The following GOLGA7B variants were observed in gnomAD, a reference collection of about 807,000 sequenced individuals.
GOLGA7B encodes golgin subfamily A member 7B.
In GOLGA7B, 17 loss-of-function variants were observed where a neutral mutation model predicts 21.5. The observed-to-expected ratio is 0.79, with a 90% confidence interval of 0.54 to 1.19. The LOEUF is 1.19. Ranked by LOEUF, GOLGA7B falls within the 50% of genes most tolerant of loss-of-function variation. GOLGA7B has a pLI of 0.00. For missense variants in GOLGA7B, 169 were observed against 224.4 expected, an observed-to-expected ratio of 0.75 and a Z score of 1.58; for synonymous variants, 87 against 84.0, an observed-to-expected ratio of 1.04 and a Z score of -0.19.
intron 4 of GOLGA7B, chr10:97,865,338 C>T (rs1183966561): frequency 1.6e-5 from 8 of 505,102 alleles, no homozygotes; most frequent in African/African-American, 3.8e-5. Context: ...ATCAGGGCAG[C>T]GACCCTGTCT....
chr10:97,866,540 C>T lies in GOLGA7B; in HGVS notation c.*840C>T, dbSNP rs1365941001. On this transcript the variant is annotated 3_prime_UTR_variant, in exon 5 of 5. Transcript: ENST00000370602. ...GCACATGTGAATGTATGTGTGAGTGCACATGTGTGTAAGTGCAGTGTGCGT... is the reference window on the plus strand; with the variant it reads ...GCACATGTGAATGTATGTGTGAGTGTACATGTGTGTAAGTGCAGTGTGCGT... 2 of 152,220 alleles carry T rather than the reference C, an allele frequency of 1.3e-5. No individual in the cohort carries two copies. The highest frequency in any genetic ancestry group is 1.3e-4 in the Admixed American group (2 of 15,280). The allele number at this position is 152,220 out of a possible 1,614,324, so 9.4% of individuals were successfully genotyped here. A position where few individuals can be genotyped will look rare whatever the true frequency, so the allele number is the denominator to read the frequency against.
At chr10:97,857,025 T>C (rs1037089923) in intron 1 of GOLGA7B, among the ~76,000 whole-genome samples, 1 of 152,182 alleles carries the variant, frequency 6.6e-6, no homozygotes, top group African/African-American at 2.4e-5. Flanking sequence ...TTTCTGTAGG[T>C]TGTCTGTATA....
At chr10:97,865,374 C>CA in intron 4 of GOLGA7B, 1 of 746,216 alleles carries the variant, frequency 1.3e-6, no homozygotes. Flanking sequence ...ATGTGCCCAG[C>CA]ACAGGGCCTG....
Position 97,865,916 on chromosome 10 carries a change from C to T in GOLGA7B, c.*216C>T. The T allele has an allele frequency of 1.4e-6, 1 of 735,294 alleles. No homozygotes were observed. The highest frequency in any genetic ancestry group is 2.0e-6 in the Non-Finnish European group (1 of 489,946). 45.5% of individuals were successfully genotyped at this position (735,294 alleles called of 1,614,324 possible). A position where few individuals can be genotyped will look rare whatever the true frequency, so the allele number is the denominator to read the frequency against. Reference sequence around the variant, plus strand: ...CGTCTGGATCAGTCCATTTCCTGACCTGGGGGCTTTTCCTTCCCGATGGGG... The same window carrying T: ...CGTCTGGATCAGTCCATTTCCTGACTTGGGGGCTTTTCCTTCCCGATGGGG... On this transcript the variant is annotated 3_prime_UTR_variant, in exon 5 of 5. Transcript: ENST00000370602.
chr10:97,853,414 G>T (rs1414131799), intron 1 of GOLGA7B, among the ~76,000 whole-genome samples: 1 of 152,170 alleles, frequency 6.6e-6, no homozygotes, highest in Admixed American at 6.5e-5. Context: ...GCACTCTAGA[G>T]CTTGTTCCTC....
rs11189413 is a variant in GOLGA7B, at chr10:97,866,061, G to A, written c.*361G>A. The stretch of plus-strand genomic sequence containing the variant: ...AACCCTGCGAGGGGGGCCGAGGCCT[G>A]CCACATAGAGGACTCCCACACTGCA... On this transcript the variant is annotated 3_prime_UTR_variant, in exon 5 of 5. Transcript: ENST00000370602. The A allele has an allele frequency of 0.56, 149,994 of 267,040 alleles. 43,295 individuals carry two copies. Among genetic ancestry groups the A allele is most frequent in the East Asian group, 0.84 (11,620 of 13,882 alleles). 16.5% of individuals were successfully genotyped at this position (267,040 alleles called of 1,614,324 possible). A position where few individuals can be genotyped will look rare whatever the true frequency, so the allele number is the denominator to read the frequency against.
intron 1 of GOLGA7B, among the ~76,000 whole-genome samples, chr10:97,852,059 G>C (rs183450595): frequency 1.3e-5 from 2 of 152,318 alleles, no homozygotes; most frequent in Admixed American, 6.5e-5. Flanking sequence ...AAACTTGCCT[G>C]GTCCCTGTGA....
Position 97,869,860 on chromosome 10 carries a change from A to G in GOLGA7B, c.*4160A>G, listed in dbSNP as rs1168050725. The G allele has an allele frequency of 6.6e-6, 1 of 152,282 alleles. No individual in the cohort carries two copies. The highest frequency in any genetic ancestry group is 1.5e-5 in the Non-Finnish European group (1 of 68,112). 9.4% of individuals were successfully genotyped at this position (152,282 alleles called of 1,614,324 possible). On this transcript the variant is annotated 3_prime_UTR_variant, in exon 5 of 5. Transcript: ENST00000370602. Reference sequence around the variant, plus strand: ...ACTCCACATCCCTCTCCACACCTCTAGAAGGACTCACAATGAGGGGGGCCC... The same window carrying G: ...ACTCCACATCCCTCTCCACACCTCTGGAAGGACTCACAATGAGGGGGGCCC...
In GOLGA7B at chr10:97,869,046, A is replaced by G. The variant is rs1590167875; in HGVS notation, c.*3346A>G. On this transcript the variant is annotated 3_prime_UTR_variant, in exon 5 of 5. Coordinates refer to ENST00000370602, the MANE Select transcript of GOLGA7B (RefSeq NM_001010917.3). ...GGGAAATTGCAGATCTTGGCTTTGA[A>G]TCTAGGCAATCTGACTCCAAACTGC... 6.6e-6 allele frequency: 1 copy of G among 152,338 alleles called. No homozygotes were observed. Among genetic ancestry groups the G allele is most frequent in the East Asian group, 1.9e-4 (1 of 5,194 alleles). 9.4% of individuals were successfully genotyped at this position (152,338 alleles called of 1,614,324 possible).
intron 1 of GOLGA7B, among the ~76,000 whole-genome samples, chr10:97,854,252 A>C (rs762804135): frequency 5.3e-5 from 8 of 152,216 alleles, no homozygotes; most frequent in Non-Finnish European, 1.2e-4. Context: ...GGCTTGAGCA[A>C]TGATGTAGTT....
At chr10:97,859,607 T>G in intron 2 of GOLGA7B, 24 bp downstream of exon 2, 1 of 1,612,550 alleles carries the variant, frequency 6.2e-7, no homozygotes, top group Non-Finnish European at 8.5e-7. Context: ...TTTCTGCACT[T>G]GGAACCCAGG....
In GOLGA7B at chr10:97,871,200, A is replaced by G. The variant is rs1369164202; in HGVS notation, c.*5500A>G. The G allele has an allele frequency of 6.6e-6, 1 of 152,184 alleles. No homozygotes were observed. The highest frequency in any genetic ancestry group is 2.4e-5 in the African/African-American group (1 of 41,438). 9.4% of individuals were successfully genotyped at this position (152,184 alleles called of 1,614,324 possible). On this transcript the variant is annotated 3_prime_UTR_variant, in exon 5 of 5. Transcript: ENST00000370602. ...CAAGAGGATGTTCAAAGGGCCTGTC[A>G]TTTCAGCATCTGCTGGACAGCAGAA... is the stretch of plus-strand genomic sequence containing the variant.
Position 97,865,595 on chromosome 10 carries a change from G to C in GOLGA7B, c.399G>C (p.Glu133Asp). ...TCCTTAACCACCGACCCCAGATTGA[G>C]ATCTCCATCTACGAGGACCGGTGCA... The part of the protein sequence containing the change: ...DPVERGMRVI[E>D]ISIYEDRCSS... The change falls in exon 5 of 5, where the codon GAG becomes GAC. Residue 133 changes from glutamate to aspartate, a missense_variant. Coordinates refer to ENST00000370602, the MANE Select transcript of GOLGA7B (RefSeq NM_001010917.3). 1 of 1,613,426 alleles carries C rather than the reference G, an allele frequency of 6.2e-7. No individual in the cohort carries two copies. The highest frequency in any genetic ancestry group is 1.3e-5 in the African/African-American group (1 of 75,060).
chr10:97,862,522 G>A (rs2049977369), intron 2 of GOLGA7B, among the ~76,000 whole-genome samples: 1 of 152,080 alleles, frequency 6.6e-6, no homozygotes, highest in Non-Finnish European at 1.5e-5. Flanking sequence ...AAATCATAAG[G>A]AGAAGAAAAT....
chr10:97,862,866 AG>A (rs769266849), intron 2 of GOLGA7B, among the ~76,000 whole-genome samples: 73 of 152,184 alleles, frequency 4.8e-4, no homozygotes, highest in Non-Finnish European at 9.9e-4. Flanking sequence ...AAGGGTGTTA[AG>A]GGTGTCACGG....
Position 97,859,479 on chromosome 10 carries a change from C to G in GOLGA7B, c.34C>G (p.Arg12Gly). 6.2e-7 allele frequency: 1 copy of G among 1,614,052 alleles called. No individual in the cohort carries two copies. Among genetic ancestry groups the G allele is most frequent in the Non-Finnish European group, 8.5e-7 (1 of 1,179,974 alleles). Residue 12 changes from arginine (R) to glycine (G), a missense_variant, in exon 2 of 5, where the codon CGG becomes GGG. Physicochemically the swap from Arg to Gly is moderately radical, Grantham distance 125. Coordinates refer to ENST00000370602, the MANE Select transcript of GOLGA7B (RefSeq NM_001010917.3). ...ATEVHNLQELRRSASLATKVF... is the reference protein window; with the variant it reads ...ATEVHNLQELGRSASLATKVF... ...TCAGGTCCACAATCTGCAGGAGCTC[C>G]GGCGAAGTGCCTCACTGGCCACCAA...
chr10:97,853,672 A>G (rs2049918102), intron 1 of GOLGA7B, among the ~76,000 whole-genome samples: 1 of 152,206 alleles, frequency 6.6e-6, no homozygotes, highest in African/African-American at 2.4e-5. Context: ...AGAGAGGCTC[A>G]GGTCTCTGGG....
intron 1 of GOLGA7B, among the ~76,000 whole-genome samples, chr10:97,856,989 G>C (rs2049938970): frequency 6.6e-6 from 1 of 151,916 alleles, no homozygotes. Flanking sequence ...TTCTGTCAAA[G>C]GCATAATTTG....
rs982221993 is a variant in GOLGA7B, at chr10:97,867,266, T to A, written c.*1566T>A. The A allele has an allele frequency of 3.3e-5, 5 of 152,358 alleles. No individual in the cohort carries two copies. Among genetic ancestry groups the A allele is most frequent in the African/African-American group, 1.2e-4 (5 of 41,468 alleles). 9.4% of individuals were successfully genotyped at this position (152,358 alleles called of 1,614,324 possible). A position where few individuals can be genotyped will look rare whatever the true frequency, so the allele number is the denominator to read the frequency against. ...AGGAAAGGAGATGTCCAGCCAATGA[T>A]GCCCGGCTTCTGAGGCCCAGAGGAG... is the stretch of plus-strand genomic sequence containing the variant. On this transcript the variant is annotated 3_prime_UTR_variant, in exon 5 of 5. Coordinates refer to ENST00000370602, the MANE Select transcript of GOLGA7B (RefSeq NM_001010917.3).
Sources: gnomAD v4.1 joint callset for allele counts (sites outside exome capture counted in the v4.1 genomes callset) on GRCh38, gnomAD v4.1.1 for gene constraint, MANE v1.5 for transcripts, NCBI Gene and HGNC (gene_info 2026-07-23, HGNC 2026-07-21) for gene names.